Variants in LRRTM4 observed in about 807,000 individuals in gnomAD.
LRRTM4 encodes the protein leucine-rich repeat transmembrane neuronal protein 4.
Under a neutral mutation model 47.6 loss-of-function variants are expected in LRRTM4, and 25 were observed. The observed-to-expected ratio is 0.53, with a 90% CI of 0.38 to 0.73. The LOEUF (loss-of-function observed/expected upper bound fraction) is 0.73, where lower values mean the gene tolerates loss of function less well. Ranked by LOEUF, LRRTM4 falls within the 30% of genes least tolerant of loss-of-function variation. The pLI is 0.00. For synonymous variants in LRRTM4, 311 were observed against 269.5 expected (o/e 1.15, Z -1.51); for missense variants, 638 against 713.4 (o/e 0.89, Z 1.20).
intron 3 of LRRTM4, among the ~76,000 whole-genome samples, chr2:77,329,978 G>A (rs554809574): frequency 4.0e-4 from 61 of 152,244 alleles, no homozygotes; most frequent in South Asian, 6.2e-4. Context: ...CCAGTAAACT[G>A]AAGAAAGGAG....
intron 3 of LRRTM4, among the ~76,000 whole-genome samples, chr2:77,184,042 C>A (rs1045301409): frequency 1.3e-5 from 2 of 151,944 alleles, no homozygotes; most frequent in Non-Finnish European, 2.9e-5. Context: ...TGTAATAAAC[C>A]TGCACATTGT....
At position 76,784,768 on chromosome 2, in the gene LRRTM4, G is replaced by A. The variant is rs62172100; in HGVS notation, c.1552-35852C>T. ...CTGTGCTGGCCAGTAATGTTGTCAA[G>A]ATTGAATTCTTTTTGTATGGTTTTT... On this transcript the variant is annotated intron_variant, in intron 3 of 3. Transcript: ENST00000409884. Among the ~76,000 whole-genome samples, 3 of 151,940 alleles carry A rather than the reference G, an allele frequency of 2.0e-5. No homozygotes were observed. The East Asian group carries it at 5.8e-4, about 29-fold the overall frequency.
chr2:77,046,426 T>C (rs1377725980), intron 3 of LRRTM4, among the ~76,000 whole-genome samples: 5 of 152,004 alleles, frequency 3.3e-5, no homozygotes, highest in Non-Finnish European at 7.4e-5. Context: ...AAGTTTAGTG[T>C]CAGCCACTAT....
At chr2:77,360,216 G>A (rs981072776) in intron 3 of LRRTM4, among the ~76,000 whole-genome samples, 5 of 152,124 alleles carry the variant, frequency 3.3e-5, no homozygotes, top group South Asian at 2.1e-4. Context: ...CCAGTACTAC[G>A]GCAAGCCGAG....
intron 3 of LRRTM4, among the ~76,000 whole-genome samples, chr2:76,807,921 T>C (rs967449315): frequency 1.7e-4 from 19 of 115,016 alleles, no homozygotes; most frequent in Non-Finnish European, 3.0e-4. Context: ...TTTCTTTCCT[T>C]TCTTTCCTTT....
intron 3 of LRRTM4, among the ~76,000 whole-genome samples, chr2:77,504,967 T>C (rs1678713094): frequency 6.6e-6 from 1 of 151,436 alleles, no homozygotes; most frequent in African/African-American, 2.4e-5. Flanking sequence ...TTTTCATGAA[T>C]AGTTTATACA....
intron 3 of LRRTM4, among the ~76,000 whole-genome samples, chr2:77,507,233 G>C (rs1441322421): frequency 6.6e-6 from 1 of 152,010 alleles, no homozygotes; most frequent in African/African-American, 2.4e-5. Context: ...AGTATAAGTA[G>C]AGTAGAAACA....
At position 77,315,970 on chromosome 2, in the gene LRRTM4, GC is replaced by G. The variant is rs1677606533; in HGVS notation, c.1551+202347del. 1.3e-4 allele frequency among the ~76,000 whole-genome samples: 20 copies of G among 152,280 alleles called. 1 individual carries two copies. In the South Asian group the frequency reaches 4.1e-3, roughly 32 times the overall value. On this transcript the variant is annotated intron_variant, in intron 3 of 3. Transcript: ENST00000409884. ...ATTAGCAAACATAGGTAACCTGTCA[GC>G]CCCCTATCCTGGTTCTTAAAAACTC... is the stretch of plus-strand genomic sequence containing the variant.
chr2:76,924,853 T>C (rs528549572), intron 3 of LRRTM4, among the ~76,000 whole-genome samples: 9 of 152,206 alleles, frequency 5.9e-5, no homozygotes, highest in African/African-American at 2.2e-4. Context: ...TCATACATTG[T>C]GTTAAAACTT....
intron 3 of LRRTM4, among the ~76,000 whole-genome samples, chr2:77,470,950 C>A (rs889043416): frequency 1.3e-5 from 2 of 152,028 alleles, no homozygotes; most frequent in Non-Finnish European, 2.9e-5. Flanking sequence ...CTATTAGGAC[C>A]TCTTCTCTCT....
At chr2:77,167,142 G>T (rs1672909198) in intron 3 of LRRTM4, among the ~76,000 whole-genome samples, 2 of 152,240 alleles carry the variant, frequency 1.3e-5, no homozygotes, top group Non-Finnish European at 2.9e-5. Flanking sequence ...AGTGGGCAAA[G>T]GATATGAAGA....
At chr2:77,428,969 C>A (rs1276660376) in intron 3 of LRRTM4, among the ~76,000 whole-genome samples, 2 of 152,086 alleles carry the variant, frequency 1.3e-5, no homozygotes, top group East Asian at 3.9e-4. Flanking sequence ...AAGAACAGAC[C>A]TAAATTAATC....
intron 3 of LRRTM4, among the ~76,000 whole-genome samples, chr2:76,750,532 C>T (rs1319731796): frequency 6.6e-6 from 1 of 152,154 alleles, no homozygotes; most frequent in Non-Finnish European, 1.5e-5. Flanking sequence ...AGTCTCCCGA[C>T]TGGACTATGT....
intron 3 of LRRTM4, among the ~76,000 whole-genome samples, chr2:77,322,489 T>A (rs1341444726): frequency 6.6e-6 from 1 of 151,992 alleles, no homozygotes; most frequent in African/African-American, 2.4e-5. Context: ...GTTTAACAAT[T>A]CATTCAACAG....
At chr2:77,020,052 G>GA (rs548147169) in intron 3 of LRRTM4, among the ~76,000 whole-genome samples, 133 of 152,122 alleles carry the variant, frequency 8.7e-4, no homozygotes, top group African/African-American at 2.9e-3. Context: ...TATACTTAAT[G>GA]AACTTATGAA....
intron 3 of LRRTM4, among the ~76,000 whole-genome samples, chr2:76,989,208 T>C (rs1676916429): frequency 6.6e-6 from 1 of 151,832 alleles, no homozygotes; most frequent in African/African-American, 2.4e-5. Flanking sequence ...CTGAATAAAG[T>C]GACTGAGTAG....
intron 3 of LRRTM4, among the ~76,000 whole-genome samples, chr2:77,140,548 T>G (rs1262991641): frequency 7.3e-6 from 1 of 137,202 alleles, no homozygotes; most frequent in African/African-American, 3.0e-5. Flanking sequence ...GCAATACCAT[T>G]CAGGACATAG....
chr2:77,094,401 T>G (rs1670749701), intron 3 of LRRTM4, among the ~76,000 whole-genome samples: 1 of 152,116 alleles, frequency 6.6e-6, no homozygotes, highest in Non-Finnish European at 1.5e-5. Context: ...AAAATTCTAG[T>G]ATTTTTTTAG....
chr2:77,406,003 A>G (rs1424004592), intron 3 of LRRTM4, among the ~76,000 whole-genome samples: 1 of 152,112 alleles, frequency 6.6e-6, no homozygotes, highest in African/African-American at 2.4e-5. Flanking sequence ...CACTTGGTCC[A>G]TCTCCAGGAG....
Sources: gnomAD v4.1 joint callset for allele counts (sites outside exome capture counted in the v4.1 genomes callset) on GRCh38, gnomAD v4.1.1 for gene constraint, MANE v1.5 for transcripts, NCBI Gene and HGNC (gene_info 2026-07-23, HGNC 2026-07-21) for gene names.